The following MARCHF1 variants were observed in gnomAD, a reference collection of about 807,000 sequenced individuals.
MARCHF1 encodes membrane associated ring-CH-type finger 1, also known as E3 ubiquitin-protein ligase MARCHF1.
In MARCHF1, 40 loss-of-function variants were observed where a neutral mutation model predicts 54.2. That is an observed-to-expected ratio of 0.74 (90% CI 0.57 to 0.96). MARCHF1 has a LOEUF of 0.96. MARCHF1 is among the 40% of genes least tolerant of loss of function. The probability of loss-of-function intolerance (pLI) is 0.00; values close to 1 mark genes in which losing one functional copy is unlikely to be tolerated. For synonymous variants in MARCHF1, 236 were observed against 236.3 expected, an observed-to-expected ratio of 1.00 and a Z score of 0.01; for missense variants, 586 against 656.5, an observed-to-expected ratio of 0.89 and a Z score of 1.17.
At chr4:163,881,770 G>A (rs1750421891) in intron 3 of MARCHF1, among the ~76,000 whole-genome samples, 1 of 152,048 alleles carries the variant, frequency 6.6e-6, no homozygotes, top group Admixed American at 6.6e-5. Flanking sequence ...ACTTTACTTG[G>A]GCCCATAACC....
chr4:163,787,527 T>G (rs1747656407), intron 4 of MARCHF1, among the ~76,000 whole-genome samples: 2 of 151,618 alleles, frequency 1.3e-5, no homozygotes, highest in African/African-American at 2.4e-5. Context: ...GGTGACATAT[T>G]ATCTCATACC....
At chr4:164,008,080 T>C (rs1197297662) in intron 2 of MARCHF1, among the ~76,000 whole-genome samples, 1 of 152,134 alleles carries the variant, frequency 6.6e-6, no homozygotes, top group African/African-American at 2.4e-5. Context: ...GTATGTTTCA[T>C]TCAGGAAACA....
chr4:163,832,523 C>A (rs1243356652), intron 4 of MARCHF1, among the ~76,000 whole-genome samples: 2 of 151,818 alleles, frequency 1.3e-5, no homozygotes, highest in African/African-American at 4.8e-5. Context: ...CTAGTAAAAA[C>A]TCTAAAAACT....
At chr4:163,552,530 C>T (rs1425278138) in intron 8 of MARCHF1, among the ~76,000 whole-genome samples, 1 of 152,180 alleles carries the variant, frequency 6.6e-6, no homozygotes, top group Non-Finnish European at 1.5e-5. Flanking sequence ...TGCTACCACT[C>T]AGTTTGAGTC....
chr4:163,623,511 G>A (rs1298687617), intron 5 of MARCHF1, among the ~76,000 whole-genome samples: 2 of 152,248 alleles, frequency 1.3e-5, no homozygotes, highest in African/African-American at 4.8e-5. Context: ...GAGAATCCAC[G>A]TTTCTTGCAC....
chr4:164,123,704 C>T (rs943722413), intron 1 of MARCHF1, among the ~76,000 whole-genome samples: 1 of 152,090 alleles, frequency 6.6e-6, no homozygotes, highest in African/African-American at 2.4e-5. Context: ...GGGGAAAAGA[C>T]AGTCTCTTCA....
intron 9 of MARCHF1, among the ~76,000 whole-genome samples, chr4:163,534,638 C>T (rs1212116899): frequency 6.6e-6 from 1 of 151,910 alleles, no homozygotes. Flanking sequence ...GAAAACAGAC[C>T]TTTGATTTTA....
At chr4:164,159,108 A>C (rs149656125) in intron 1 of MARCHF1, among the ~76,000 whole-genome samples, 8 of 152,330 alleles carry the variant, frequency 5.3e-5, no homozygotes, top group African/African-American at 1.9e-4. Context: ...TGGCCAAATT[A>C]CTTAATCTCT....
intron 1 of MARCHF1, among the ~76,000 whole-genome samples, chr4:164,160,918 C>G (rs1730215581): frequency 6.6e-6 from 1 of 152,138 alleles, no homozygotes; most frequent in Non-Finnish European, 1.5e-5. Flanking sequence ...ACTCTATGCT[C>G]TTTACAAAAG....
At chr4:164,033,472 A>C (rs905956108) in intron 2 of MARCHF1, among the ~76,000 whole-genome samples, 4 of 152,196 alleles carry the variant, frequency 2.6e-5, no homozygotes, top group Admixed American at 2.6e-4. Flanking sequence ...AGAAACTATC[A>C]TCAGAGCTAA....
chr4:163,680,011 T>C (rs1457751704), intron 5 of MARCHF1, among the ~76,000 whole-genome samples: 2 of 148,188 alleles, frequency 1.3e-5, no homozygotes, highest in East Asian at 2.1e-4. Flanking sequence ...CTAAATTGAC[T>C]AACAACAGGG....
chr4:163,892,045 G>A (rs1750672826), intron 3 of MARCHF1, among the ~76,000 whole-genome samples: 1 of 151,690 alleles, frequency 6.6e-6, no homozygotes, highest in Non-Finnish European at 1.5e-5. Flanking sequence ...GAAAACCTCA[G>A]CTCACTGACA....
At chr4:163,757,672 T>C (rs891695888) in intron 4 of MARCHF1, among the ~76,000 whole-genome samples, 1 of 152,196 alleles carries the variant, frequency 6.6e-6, no homozygotes, top group African/African-American at 2.4e-5. Context: ...TAGTCCAATC[T>C]TGCCTTCATA....
intron 2 of MARCHF1, among the ~76,000 whole-genome samples, chr4:163,995,119 A>G (rs1753049173): frequency 6.6e-6 from 1 of 151,916 alleles, no homozygotes; most frequent in Non-Finnish European, 1.5e-5. Flanking sequence ...ACCTTCAGAC[A>G]CCAGTCACAA....
chr4:163,944,060 G>A (rs1028057907), intron 3 of MARCHF1, among the ~76,000 whole-genome samples: 1 of 151,212 alleles, frequency 6.6e-6, no homozygotes, highest in Admixed American at 6.6e-5. Flanking sequence ...TCCACCTCCC[G>A]GGTTCACTCC....
At chr4:164,141,622 C>A (rs1756537340) in intron 1 of MARCHF1, among the ~76,000 whole-genome samples, 1 of 152,206 alleles carries the variant, frequency 6.6e-6, no homozygotes, top group Non-Finnish European at 1.5e-5. Context: ...ATGATTTCAC[C>A]TGGCGGTGCG....
rs1325981027 is a variant in MARCHF1, at chr4:164,367,051, G to C, written c.-323+16819C>G. On this transcript the variant is annotated intron_variant, in intron 1 of 9. Transcript: ENST00000514618. ...CTAGTTACCAAACGGAGAAAATCTT[G>C]TTACAAAAGTGACATGTGTTCAGAG... is the stretch of plus-strand genomic sequence containing the variant. 2.0e-5 allele frequency among the ~76,000 whole-genome samples: 3 copies of C among 152,010 alleles called. No homozygotes were observed. The East Asian group carries it at 5.8e-4, about 29-fold the overall frequency.
chr4:163,580,321 G>C (rs150106920), intron 8 of MARCHF1, among the ~76,000 whole-genome samples: 3 of 151,782 alleles, frequency 2.0e-5, no homozygotes, highest in Non-Finnish European at 4.4e-5. Flanking sequence ...CTCGTGATCC[G>C]CCCGCCTCGG....
At chr4:164,328,531 A>C (rs916076085) in intron 1 of MARCHF1, among the ~76,000 whole-genome samples, 7 of 151,866 alleles carry the variant, frequency 4.6e-5, no homozygotes, top group East Asian at 1.9e-4. Context: ...AGTCATATGA[A>C]ATTTTTTTTT....
Sources: gnomAD v4.1 joint callset for allele counts (sites outside exome capture counted in the v4.1 genomes callset) on GRCh38, gnomAD v4.1.1 for gene constraint, MANE v1.5 for transcripts, NCBI Gene and HGNC (gene_info 2026-07-23, HGNC 2026-07-21) for gene names.